Variants in CEP128 observed in about 807,000 individuals in gnomAD.
CEP128 encodes centrosomal protein 128kDa.
In CEP128, 132 loss-of-function variants were observed where a neutral mutation model predicts 156.7. The ratio of observed to expected loss-of-function variants is 0.84; its 90% CI spans 0.73 to 0.97. The LOEUF is 0.97. CEP128 is among the 50% of genes least tolerant of loss of function. The pLI is 0.00. For missense variants in CEP128, 1,252 were observed against 1,281.9 expected (o/e 0.98, Z 0.36); for synonymous variants, 469 against 448.9 (o/e 1.04, Z -0.57).
At chr14:80,514,438 T>C (rs951530505) in intron 23 of CEP128, among the ~76,000 whole-genome samples, 1 of 152,152 alleles carries the variant, frequency 6.6e-6, no homozygotes, top group Admixed American at 6.5e-5. Context: ...TCTGACTGTA[T>C]ATTTTCAAAT....
At chr14:80,696,138 C>A (rs1229318031) in intron 19 of CEP128, among the ~76,000 whole-genome samples, 3 of 152,052 alleles carry the variant, frequency 2.0e-5, no homozygotes. Flanking sequence ...AAATTAGGAC[C>A]AATTAGTGAC....
At chr14:80,578,683 C>T (rs929125265) in intron 20 of CEP128, among the ~76,000 whole-genome samples, 1 of 152,132 alleles carries the variant, frequency 6.6e-6, no homozygotes, top group Non-Finnish European at 1.5e-5. Flanking sequence ...TAGTATTCTT[C>T]AAACTATCAC....
At chr14:80,551,893 C>T (rs10140845) in intron 21 of CEP128, among the ~76,000 whole-genome samples, 41,127 of 151,992 alleles carry the variant, frequency 0.27, 6,502 homozygotes, top group African/African-American at 0.44. Context: ...AAGCCTTACC[C>T]CAGGGCCTTT....
intron 19 of CEP128, among the ~76,000 whole-genome samples, chr14:80,674,144 T>A (rs1206298597): frequency 6.6e-6 from 1 of 152,046 alleles, no homozygotes; most frequent in Non-Finnish European, 1.5e-5. Flanking sequence ...AGTTTTAATC[T>A]GAATAACCGG....
intron 19 of CEP128, among the ~76,000 whole-genome samples, chr14:80,735,398 C>T (rs944837665): frequency 2.6e-5 from 4 of 152,070 alleles, no homozygotes; most frequent in African/African-American, 4.8e-5. Flanking sequence ...TACCACGTTT[C>T]GCACATTTCC....
intron 19 of CEP128, among the ~76,000 whole-genome samples, chr14:80,629,503 C>G (rs1893873791): frequency 6.7e-6 from 1 of 149,098 alleles, no homozygotes; most frequent in Non-Finnish European, 1.5e-5. Flanking sequence ...ATCCTTAACA[C>G]TCCAGTAATA....
chr14:80,905,795 A>G, intron 5 of CEP128, 160 bp downstream of exon 5: 2 of 642,316 alleles, frequency 3.1e-6, no homozygotes, highest in East Asian at 6.3e-5. Context: ...ACCCTTCAAT[A>G]TATTTCAAAG....
chr14:80,856,749 G>C lies in CEP128; in HGVS notation c.762+6008C>G, dbSNP rs1322566368. On this transcript the variant is annotated intron_variant, in intron 9 of 24. Coordinates refer to ENST00000555265, the MANE Select transcript of CEP128 (RefSeq NM_152446.5). ...TTTTTTTTTTTTTTTTTTTTTTTTT[G>C]AGACAGGGTCTCAATCTGTCACCCA... 8.3e-4 allele frequency among the ~76,000 whole-genome samples: 10 copies of C among 11,986 alleles called. 1 individual carries two copies. The highest frequency in any genetic ancestry group is 9.4e-4 in the Non-Finnish European group (4 of 4,256). 7.9% of individuals were successfully genotyped at this position (11,986 alleles called of 152,430 possible). A position where few individuals can be genotyped will look rare whatever the true frequency, so the allele number is the denominator to read the frequency against.
At chr14:80,945,410 T>C (rs1825851100), upstream of CEP128, 1 of 152,234 alleles carries the variant, frequency 6.6e-6, no homozygotes, top group African/African-American at 2.4e-5. Context: ...ATTAGTGTCA[T>C]CAATGATCTC....
At chr14:80,714,311 T>TAC (rs1322577001) in intron 19 of CEP128, among the ~76,000 whole-genome samples, 9 of 151,180 alleles carry the variant, frequency 6.0e-5, no homozygotes, top group Middle Eastern at 3.4e-3. Flanking sequence ...CACACACACA[T>TAC]ACACACACAC....
chr14:80,640,969 T>C (rs1894381877), intron 19 of CEP128, among the ~76,000 whole-genome samples: 1 of 152,242 alleles, frequency 6.6e-6, no homozygotes, highest in Non-Finnish European at 1.5e-5. Flanking sequence ...CTTTAATTAA[T>C]GCATTTACAT....
chr14:80,810,052 A>T (rs1884417172), intron 13 of CEP128, among the ~76,000 whole-genome samples: 1 of 152,078 alleles, frequency 6.6e-6, no homozygotes, highest in South Asian at 2.1e-4. Context: ...GGCCAGGCAC[A>T]GTGGCTCATG....
chr14:80,526,778 C>T (rs568215348), intron 23 of CEP128, 91 bp downstream of exon 23: 1 of 629,252 alleles, frequency 1.6e-6, no homozygotes, highest in Admixed American at 2.6e-5. Context: ...CACAAGTGCC[C>T]TTACACAAAC....
chr14:80,637,646 C>T (rs1894241404), intron 19 of CEP128, among the ~76,000 whole-genome samples: 1 of 152,252 alleles, frequency 6.6e-6, no homozygotes, highest in South Asian at 2.1e-4. Context: ...TTTATAAAAA[C>T]TGAATGGTGC....
chr14:80,772,052 G>T (rs1751545350), intron 16 of CEP128, among the ~76,000 whole-genome samples: 2 of 152,118 alleles, frequency 1.3e-5, no homozygotes, highest in African/African-American at 4.8e-5. Context: ...GATACCAAAT[G>T]TTTTTTGGAA....
chr14:80,927,955 C>A (rs1198052584), intron 2 of CEP128, among the ~76,000 whole-genome samples: 4 of 152,138 alleles, frequency 2.6e-5, no homozygotes, highest in Non-Finnish European at 5.9e-5. Context: ...CCCAGCACAT[C>A]GCTACTACAA....
chr14:80,812,653 C>T (rs1595441575), intron 13 of CEP128, among the ~76,000 whole-genome samples: 2 of 152,316 alleles, frequency 1.3e-5, no homozygotes, highest in South Asian at 2.1e-4. Context: ...ACTGCAACCT[C>T]CATCTCCTGG....
In CEP128 at chr14:80,854,744, G is replaced by C. The variant is rs115486584; in HGVS notation, c.762+8013C>G. ...AATAATGAAATGTTAAAAGAACTAC[G>C]TGAGAAATAAACCTAGTTAAACACA... On this transcript the variant is annotated intron_variant, in intron 9 of 24. Coordinates refer to ENST00000555265, the MANE Select transcript of CEP128 (RefSeq NM_152446.5). 4.4e-3 allele frequency among the ~76,000 whole-genome samples: 665 copies of C among 152,266 alleles called. 6 individuals are homozygous for C. The highest frequency in any genetic ancestry group is 0.015 in the African/African-American group (632 of 41,574).
At chr14:80,787,882 T>A (rs1901494769) in intron 14 of CEP128, among the ~76,000 whole-genome samples, 1 of 152,202 alleles carries the variant, frequency 6.6e-6, no homozygotes, top group African/African-American at 2.4e-5. Context: ...CACATAACAG[T>A]AAGTCCAGAG....
Sources: allele counts gnomAD v4.1 joint callset (sites outside exome capture counted in the v4.1 genomes callset), GRCh38; gene constraint gnomAD v4.1.1; transcripts MANE v1.5; gene names NCBI Gene and HGNC (gene_info 2026-07-23, HGNC 2026-07-21).